Variants in PYGO1 observed in about 807,000 individuals in gnomAD.
PYGO1 encodes pygopus family PHD finger 1, also known as pygopus homolog 1.
PYGO1 carries 6 observed loss-of-function variants against 29.5 expected under a neutral mutation model. That is an observed-to-expected ratio of 0.20 (90% confidence interval 0.11 to 0.40). PYGO1 has a LOEUF of 0.40. PYGO1 is among the 10% of genes least tolerant of loss of function. The pLI, the probability that PYGO1 is intolerant of heterozygous loss-of-function variation, is 1.00. For synonymous variants in PYGO1, 186 were observed against 180.5 expected (o/e 1.03, Z -0.24); for missense variants, 515 against 514.9 (o/e 1.00, Z 0.00).
At position 55,546,949 on chromosome 15, in the gene PYGO1, G is replaced by T. The variant is rs1224537062; in HGVS notation, c.334C>A (p.Pro112Thr). The change falls in exon 3 of 3, where the codon CCA becomes ACA. Residue 112 changes from proline to threonine, a missense_variant. By Grantham distance (38) the Pro-to-Thr change is conservative. Coordinates refer to ENST00000563719, the MANE Select transcript of PYGO1 (RefSeq NM_001367806.1). ...STFRMPPHVP[P>T]RMSSPYCGPY... ...CCACAGTATGGGGAAGACATTCTTGGGGGAACGTGAGGTGGCATTCTGAAT... is the reference window on the plus strand; with the variant it reads ...CCACAGTATGGGGAAGACATTCTTGTGGGAACGTGAGGTGGCATTCTGAAT... 1 of 1,614,038 alleles carries T rather than the reference G, an allele frequency of 6.2e-7. No individual in the cohort carries two copies. The highest frequency in any genetic ancestry group is 1.7e-5 in the Admixed American group (1 of 60,000).
intron 1 of PYGO1, among the ~76,000 whole-genome samples, chr15:55,584,153 A>G (rs377578028): frequency 2.3e-4 from 32 of 141,308 alleles, no homozygotes; most frequent in African/African-American, 8.2e-4. Context: ...TCTCACTCCA[A>G]TTGCCCAGGC....
intron 1 of PYGO1, among the ~76,000 whole-genome samples, chr15:55,583,009 C>T (rs538794343): frequency 7.2e-5 from 11 of 152,002 alleles, no homozygotes; most frequent in Non-Finnish European, 1.3e-4. Flanking sequence ...CATCCTTATC[C>T]CTTCTATGTT....
chr15:55,576,351 G>A (rs1238262683), intron 1 of PYGO1, among the ~76,000 whole-genome samples: 1 of 147,222 alleles, frequency 6.8e-6, no homozygotes, highest in East Asian at 2.0e-4. Flanking sequence ...AGCTACTTGG[G>A]AGGCTGAGGC....
chr15:55,577,006 T>A (rs1245530683), intron 1 of PYGO1, among the ~76,000 whole-genome samples: 5 of 148,580 alleles, frequency 3.4e-5, no homozygotes, highest in Admixed American at 1.3e-4. Flanking sequence ...GCAACAAAGA[T>A]AAAAAAAAAA....
At chr15:55,558,144 A>G (rs547364895) in intron 1 of PYGO1, among the ~76,000 whole-genome samples, 3 of 152,372 alleles carry the variant, frequency 2.0e-5, no homozygotes, top group Admixed American at 6.5e-5. Flanking sequence ...AAGCAACTTC[A>G]GCAAAGTCTC....
In PYGO1 at chr15:55,558,786, G is replaced by A. The variant is rs199566812; in HGVS notation, c.50-9791C>T. Among the ~76,000 whole-genome samples, 542 of 152,138 alleles carry A rather than the reference G, an allele frequency of 3.6e-3. 18 individuals are homozygous for A. In the East Asian group the frequency reaches 0.053, roughly 15 times the overall value. Reference sequence around the variant, plus strand: ...TGGGAAAACTGGCCAGCCATATGTAGAAAGCTGAAACTGGATCCCTTCCTT... The same window carrying A: ...TGGGAAAACTGGCCAGCCATATGTAAAAAGCTGAAACTGGATCCCTTCCTT... On this transcript the variant is annotated intron_variant, in intron 1 of 2. Transcript: ENST00000563719.
rs1048919910 is a variant in PYGO1 at position 55,540,580 on chromosome 15, T to C, written c.*5443A>G. 7.9e-5 allele frequency: 12 copies of C among 152,180 alleles called. No homozygotes were observed. The highest frequency in any genetic ancestry group is 1.9e-4 in the East Asian group (1 of 5,204). The allele number at this position is 152,180 out of a possible 1,614,324, so 9.4% of individuals were successfully genotyped here. On this transcript the variant is annotated 3_prime_UTR_variant, in exon 3 of 3. Transcript: ENST00000563719. ...CAGGCCATCTATTAATCCATAAATATTGATGTTTCACATACTTCATAGAGT... is the reference window on the plus strand; with the variant it reads ...CAGGCCATCTATTAATCCATAAATACTGATGTTTCACATACTTCATAGAGT...
At chr15:55,568,274 TTGTAGAGATG>T (rs1389422996) in intron 1 of PYGO1, among the ~76,000 whole-genome samples, 3 of 151,124 alleles carry the variant, frequency 2.0e-5, no homozygotes, top group Admixed American at 6.6e-5. Context: ...TTAGTTCTCC[TTGTAGAGATG>T]TTTCACCTCA....
At position 55,585,655 on chromosome 15, in the gene PYGO1, C is replaced by T. The variant is rs182666199; in HGVS notation, c.49+2180G>A. 5.9e-5 allele frequency among the ~76,000 whole-genome samples: 9 copies of T among 152,258 alleles called. No homozygotes were observed. In the East Asian group the frequency reaches 1.7e-3, roughly 29 times the overall value. ...ACCGGAGCCAACCCCAATAGCTACGCCATAGAACTTAACAGCAGTTGGAAC... is the reference window on the plus strand; with the variant it reads ...ACCGGAGCCAACCCCAATAGCTACGTCATAGAACTTAACAGCAGTTGGAAC... On this transcript the variant is annotated intron_variant, in intron 1 of 2. Coordinates refer to ENST00000563719, the MANE Select transcript of PYGO1 (RefSeq NM_001367806.1).
chr15:55,582,469 ACTC>A (rs1450053239), intron 1 of PYGO1, among the ~76,000 whole-genome samples: 2 of 151,070 alleles, frequency 1.3e-5, no homozygotes, highest in Non-Finnish European at 2.9e-5. Context: ...CTCTCTGACT[ACTC>A]CTTCACATTC....
chr15:55,563,228 A>G (rs573339400), intron 1 of PYGO1, among the ~76,000 whole-genome samples: 54 of 152,300 alleles, frequency 3.5e-4, no homozygotes, highest in Non-Finnish European at 6.3e-4. Flanking sequence ...TCCAGAATAT[A>G]TGAATAATTC....
In PYGO1 at chr15:55,576,685, C is replaced by T. The variant is rs1390054588; in HGVS notation, c.49+11150G>A. Among the ~76,000 whole-genome samples the T allele has an allele frequency of 8.2e-5, 11 of 134,582 alleles. 1 individual carries two copies. Among genetic ancestry groups the T allele is most frequent in the Non-Finnish European group, 1.7e-4 (11 of 64,944 alleles). The allele number at this position is 134,582 out of a possible 152,430, so 88.3% of individuals were successfully genotyped here. On this transcript the variant is annotated intron_variant, in intron 1 of 2. Transcript: ENST00000563719. ...ACTCGGGAGGCTGAGACAGAAGAATCGCTTGAACCCGGGAGGTGGAGGTTG... is the reference window on the plus strand; with the variant it reads ...ACTCGGGAGGCTGAGACAGAAGAATTGCTTGAACCCGGGAGGTGGAGGTTG...
At chr15:55,555,762 G>A (rs554760473) in intron 1 of PYGO1, among the ~76,000 whole-genome samples, 96 of 152,086 alleles carry the variant, frequency 6.3e-4, no homozygotes, top group African/African-American at 1.2e-3. Flanking sequence ...AAGTCTCATC[G>A]TTATGCTGTC....
At chr15:55,583,527 T>G (rs540416693) in intron 1 of PYGO1, among the ~76,000 whole-genome samples, 1 of 152,314 alleles carries the variant, frequency 6.6e-6, no homozygotes, top group Admixed American at 6.5e-5. Flanking sequence ...TTTGTTTTCT[T>G]TTGTTTTGAG....
chr15:55,580,119 G>A (rs542370833), intron 1 of PYGO1, among the ~76,000 whole-genome samples: 6 of 152,222 alleles, frequency 3.9e-5, no homozygotes, highest in African/African-American at 1.4e-4. Context: ...CTCTGATAAT[G>A]AACTTCTTTC....
rs79711315 is a variant in PYGO1, at chr15:55,550,455, T to C, written c.50-1460A>G. Among the ~76,000 whole-genome samples, 312 of 152,266 alleles carry C rather than the reference T, an allele frequency of 2.0e-3. 8 individuals carry two copies. The East Asian group carries it at 0.046, about 22-fold the overall frequency. The stretch of plus-strand genomic sequence containing the variant: ...CAACAGGCCTTCTCTCTGGCACTGG[T>C]AGTCCATCACACTCCCCAAACCAGC... On this transcript the variant is annotated intron_variant, in intron 1 of 2. Transcript: ENST00000563719.
intron 1 of PYGO1, among the ~76,000 whole-genome samples, chr15:55,552,608 T>A (rs148520494): frequency 1.3e-5 from 2 of 151,672 alleles, no homozygotes; most frequent in Admixed American, 6.6e-5. Context: ...AGTGAGTGAT[T>A]GTGTGACCCC....
chr15:55,566,566 A>G (rs1459213706), intron 1 of PYGO1, among the ~76,000 whole-genome samples: 1 of 152,056 alleles, frequency 6.6e-6, no homozygotes, highest in African/African-American at 2.4e-5. Flanking sequence ...TAGTAGAACA[A>G]TTTGTTTTCT....
intron 1 of PYGO1, among the ~76,000 whole-genome samples, chr15:55,571,175 A>G (rs1292147904): frequency 6.6e-6 from 1 of 152,188 alleles, no homozygotes; most frequent in Admixed American, 6.5e-5. Flanking sequence ...GTTCTATAGC[A>G]TGTGTCAGAA....
Sources: allele counts gnomAD v4.1 joint callset (sites outside exome capture counted in the v4.1 genomes callset), GRCh38; gene constraint gnomAD v4.1.1; transcripts MANE v1.5; gene names NCBI Gene and HGNC (gene_info 2026-07-23, HGNC 2026-07-21).